Variants in KCTD3 observed in about 807,000 individuals in gnomAD.
The protein encoded by KCTD3 is potassium channel tetramerization domain containing 3.
In KCTD3, 41 loss-of-function variants were observed where a neutral mutation model predicts 85.8. The observed-to-expected ratio is 0.48, with a 90% confidence interval of 0.37 to 0.62. The LOEUF (loss-of-function observed/expected upper bound fraction) is 0.62, where lower values mean the gene tolerates loss of function less well. Among genes scored for constraint, KCTD3 ranks in the 20% least tolerant of loss-of-function variants. The pLI, the probability that KCTD3 is intolerant of heterozygous loss-of-function variation, is 0.00. For synonymous variants in KCTD3, 338 were observed against 345.4 expected (o/e 0.98, Z 0.24); for missense variants, 724 against 989.9 (o/e 0.73, Z 3.60).
rs1364636013 is a variant in KCTD3 at position 215,579,910 on chromosome 1, A to C, written c.537A>C (p.Gly179=). 2 of 1,610,228 alleles carry C rather than the reference A, an allele frequency of 1.2e-6. No homozygotes were observed. Among genetic ancestry groups the C allele is most frequent in the Non-Finnish European group, 1.7e-6 (2 of 1,176,740 alleles). The stretch of plus-strand genomic sequence containing the variant: ...TATTTCTTTTTCCAAAATCAACAGG[A>C]TTTCCTGTGGATCCACGAAAGGTGC... ...SGTGEETVRL[G]FPVDPRKVLI... is the part of the protein sequence containing the mutation. Residue 179 remains glycine, a splice_region_variant and synonymous_variant, in exon 8 of 18, where the codon GGA becomes GGC. Transcript: ENST00000259154.
intron 13 of KCTD3, among the ~76,000 whole-genome samples, chr1:215,605,113 TC>T (rs1171849658): frequency 6.6e-6 from 1 of 152,084 alleles, no homozygotes; most frequent in Non-Finnish European, 1.5e-5. Flanking sequence ...TCTAGAGGAG[TC>T]TTACATTAAC....
intron 3 of KCTD3, 54 bp downstream of exon 3, chr1:215,574,172 G>T: frequency 1.9e-6 from 2 of 1,051,148 alleles, no homozygotes. Flanking sequence ...ATAGTGCTTG[G>T]TCCTAACATA....
chr1:215,619,979 A>G, intron 17 of KCTD3, 78 bp from the exon 18 acceptor site: 1 of 1,057,294 alleles, frequency 9.5e-7, no homozygotes, highest in Non-Finnish European at 1.4e-6. Context: ...AGTGTGTTTT[A>G]TTGGTTGTAT....
At chr1:215,579,805 A>T (rs1023020760) in intron 7 of KCTD3, 104 bp from the exon 8 acceptor site, 221 of 775,284 alleles carry the variant, frequency 2.9e-4, no homozygotes, top group Non-Finnish European at 4.3e-4. Context: ...GCTCTTAACA[A>T]AACTATTAAC....
chr1:215,620,399 A>AGAAGAT lies in KCTD3; in HGVS notation c.2233_2238dup (p.Asp745_Glu746dup). On this transcript the variant is annotated inframe_insertion, in exon 18 of 18. Transcript: ENST00000259154. ...TTTCAGAATCCAAGAAAAGGTCATC[A>AGAAGAT]GAAGATGAAAATGAAAATAAAATAG... is the stretch of plus-strand genomic sequence containing the variant. The AGAAGAT allele has an allele frequency of 5.0e-6, 8 of 1,612,514 alleles. No individual in the cohort carries two copies. The highest frequency in any genetic ancestry group is 6.8e-6 in the Non-Finnish European group (8 of 1,179,104).
chr1:215,606,527 G>A lies in KCTD3; in HGVS notation c.1310-1490G>A, dbSNP rs145091964. Reference sequence around the variant, plus strand: ...ATTCAGTTCTCTGAGAAAATGGGCCGTTTTGAAGGGTTATTGTGATGTTTA... The same window carrying A: ...ATTCAGTTCTCTGAGAAAATGGGCCATTTTGAAGGGTTATTGTGATGTTTA... On this transcript the variant is annotated intron_variant, in intron 13 of 17. Transcript: ENST00000259154. Among the ~76,000 whole-genome samples, 194 of 152,126 alleles carry A rather than the reference G, an allele frequency of 1.3e-3. 1 individual carries two copies. The highest frequency in any genetic ancestry group is 4.5e-3 in the African/African-American group (187 of 41,536).
intron 1 of KCTD3, among the ~76,000 whole-genome samples, chr1:215,569,510 T>C (rs991892635): frequency 6.6e-6 from 1 of 152,192 alleles, no homozygotes; most frequent in Non-Finnish European, 1.5e-5. Flanking sequence ...TGTGGATGGC[T>C]TAATACTGAG....
Position 215,602,144 on chromosome 1 carries a change from C to A in KCTD3, c.1081C>A (p.His361Asn). The A allele has an allele frequency of 6.2e-7, 1 of 1,611,458 alleles. No individual in the cohort carries two copies. The highest frequency in any genetic ancestry group is 8.5e-7 in the Non-Finnish European group (1 of 1,178,314). Reference sequence around the variant, plus strand: ...TGATCTTCTTGTAACTGAACTGTATCATGATCCTTCAAATGATGCTATTAC... The same window carrying A: ...TGATCTTCTTGTAACTGAACTGTATAATGATCCTTCAAATGATGCTATTAC... ...DNDLLVTELY[H>N]DPSNDAITAL... Residue 361 changes from histidine (H) to asparagine (N), a missense_variant, in exon 12 of 18, where the codon CAT becomes AAT. Coordinates refer to ENST00000259154, the MANE Select transcript of KCTD3 (RefSeq NM_016121.5).
chr1:215,615,217 GT>G (rs796839685), intron 15 of KCTD3, among the ~76,000 whole-genome samples: 15 of 152,146 alleles, frequency 9.9e-5, no homozygotes, highest in African/African-American at 3.6e-4. Context: ...CAAAGATTTT[GT>G]TTAAGGACAG....
At chr1:215,577,873 T>C (rs967137779) in intron 5 of KCTD3, 128 bp from the exon 6 acceptor site, 1 of 1,412,752 alleles carries the variant, frequency 7.1e-7, no homozygotes, top group Admixed American at 2.1e-5. Flanking sequence ...AAAAAGATGT[T>C]GTCAACTCTG....
chr1:215,581,944 G>A (rs1267003092), intron 8 of KCTD3, among the ~76,000 whole-genome samples: 1 of 152,168 alleles, frequency 6.6e-6, no homozygotes, highest in Non-Finnish European at 1.5e-5. Flanking sequence ...GTACAGTGAA[G>A]ACCTGTATGA....
intron 1 of KCTD3, among the ~76,000 whole-genome samples, chr1:215,572,486 G>T (rs184416788): frequency 2.4e-4 from 37 of 152,304 alleles, no homozygotes; most frequent in South Asian, 1.5e-3. Context: ...ACACTACTCT[G>T]TATAAGCCTT....
chr1:215,595,262 A>G, intron 9 of KCTD3, 94 bp from the exon 10 acceptor site: 1 of 750,320 alleles, frequency 1.3e-6, no homozygotes, highest in Non-Finnish European at 2.3e-6. Context: ...ATGAGAATAT[A>G]AATTAGTCAC....
intron 8 of KCTD3, among the ~76,000 whole-genome samples, chr1:215,584,045 T>G (rs1230998260): frequency 1.3e-5 from 2 of 152,190 alleles, no homozygotes; most frequent in Non-Finnish European, 2.9e-5. Context: ...CAAGCTGATA[T>G]GGAGTTGGAA....
chr1:215,584,537 CT>C (rs1287755551), intron 8 of KCTD3, among the ~76,000 whole-genome samples: 2 of 152,114 alleles, frequency 1.3e-5, no homozygotes, highest in African/African-American at 4.8e-5. Context: ...GGGTAAGTTT[CT>C]TTCCTTTTGA....
intron 9 of KCTD3, among the ~76,000 whole-genome samples, chr1:215,593,857 C>CTTT (rs11362703): frequency 3.6e-5 from 4 of 111,802 alleles, no homozygotes; most frequent in Non-Finnish European, 6.9e-5. Flanking sequence ...TGGAATACAA[C>CTTT]TTTTTTTTTT....
chr1:215,595,521 T>C (rs780947319), intron 10 of KCTD3, 50 bp downstream of exon 10: 9 of 1,103,620 alleles, frequency 8.2e-6, no homozygotes, highest in Non-Finnish European at 1.2e-5. Flanking sequence ...AAATGTATGC[T>C]GATTATGTAT....
chr1:215,616,519 G>A (rs367837334), intron 15 of KCTD3, among the ~76,000 whole-genome samples: 101 of 152,144 alleles, frequency 6.6e-4, no homozygotes, highest in African/African-American at 2.3e-3. Flanking sequence ...CCAGCACTTT[G>A]GGAGGCTGAG....
At chr1:215,618,844 T>G in intron 15 of KCTD3, 42 bp from the exon 16 acceptor site, 1 of 1,405,010 alleles carries the variant, frequency 7.1e-7, no homozygotes, top group East Asian at 2.5e-5. Context: ...TTTTAAATAA[T>G]TGCTCATTCC....
Sources: gnomAD v4.1 joint callset for allele counts (sites outside exome capture counted in the v4.1 genomes callset) on GRCh38, gnomAD v4.1.1 for gene constraint, MANE v1.5 for transcripts, NCBI Gene and HGNC (gene_info 2026-07-23, HGNC 2026-07-21) for gene names.